The following PPP4R2 variants were observed in gnomAD, a reference collection of about 807,000 sequenced individuals.
The protein encoded by PPP4R2 is serine/threonine-protein phosphatase 4 regulatory subunit 2.
In PPP4R2, 13 loss-of-function variants were observed where a neutral mutation model predicts 47.2. The ratio of observed to expected loss-of-function variants is 0.28; its 90% CI spans 0.18 to 0.44. PPP4R2 has a LOEUF of 0.44. Among genes scored for constraint, PPP4R2 ranks in the 20% least tolerant of loss-of-function variants. PPP4R2 has a pLI of 1.00. For synonymous variants in PPP4R2, 151 were observed against 163.3 expected, an observed-to-expected ratio of 0.92 and a Z score of 0.57; for missense variants, 421 against 491.2, an observed-to-expected ratio of 0.86 and a Z score of 1.35.
At chr3:73,049,464 A>G (rs1298932811) in intron 3 of PPP4R2, among the ~76,000 whole-genome samples, 1 of 151,956 alleles carries the variant, frequency 6.6e-6, no homozygotes, top group Non-Finnish European at 1.5e-5. Context: ...TCGCTACTGC[A>G]TTTCAGCCTG....
chr3:73,019,924 G>T (rs1701924873), intron 2 of PPP4R2, among the ~76,000 whole-genome samples: 2 of 152,012 alleles, frequency 1.3e-5, no homozygotes, highest in South Asian at 2.1e-4. Context: ...TATATTAGGG[G>T]TATTTTGTTA....
chr3:73,021,287 G>A (rs1701955788), intron 2 of PPP4R2, among the ~76,000 whole-genome samples: 1 of 150,148 alleles, frequency 6.7e-6, no homozygotes, highest in Admixed American at 6.7e-5. Context: ...GGCTGGGGGT[G>A]CAGTGGCAAG....
intron 2 of PPP4R2, among the ~76,000 whole-genome samples, chr3:73,042,366 T>C (rs1294751053): frequency 2.6e-4 from 37 of 140,440 alleles, no homozygotes; most frequent in Non-Finnish European, 2.4e-4. Context: ...AATTTCTTTT[T>C]TTTTTTTTTT....
chr3:72,997,261 C>T, intron 1 of PPP4R2, 190 bp downstream of exon 1: 2 of 429,854 alleles, frequency 4.7e-6, no homozygotes, highest in East Asian at 3.6e-5. Context: ...CCCGCTCTGG[C>T]TTTGTGTCGG....
intron 2 of PPP4R2, among the ~76,000 whole-genome samples, chr3:73,019,410 G>A (rs1701914505): frequency 6.6e-6 from 1 of 152,194 alleles, no homozygotes; most frequent in South Asian, 2.1e-4. Context: ...GTCTTACTCT[G>A]TTGCCCAGGC....
chr3:73,032,594 CTAT>C (rs1437248285), intron 2 of PPP4R2, among the ~76,000 whole-genome samples: 1 of 152,228 alleles, frequency 6.6e-6, no homozygotes, highest in South Asian at 2.1e-4. Flanking sequence ...GCCTACCTTC[CTAT>C]TTCTAAGGTA....
chr3:73,010,941 C>T (rs1309898257), intron 2 of PPP4R2, among the ~76,000 whole-genome samples: 1 of 152,192 alleles, frequency 6.6e-6, no homozygotes. Flanking sequence ...TTTACAACTA[C>T]TATCTGAAGT....
chr3:73,062,681 G>T (rs1575891853), intron 5 of PPP4R2: 1 of 1,613,978 alleles, frequency 6.2e-7, no homozygotes, highest in African/African-American at 1.3e-5. Context: ...CAAGTGATAA[G>T]ATTTGCACCA....
At chr3:73,014,786 C>A in intron 2 of PPP4R2, 1 of 399,608 alleles carries the variant, frequency 2.5e-6, no homozygotes, top group Non-Finnish European at 4.4e-6. Flanking sequence ...TTGCCTGTAT[C>A]ATTTGTTTCA....
chr3:73,061,828 G>T (rs1702864683), intron 5 of PPP4R2: 2 of 391,504 alleles, frequency 5.1e-6, no homozygotes, highest in Admixed American at 4.5e-5. Flanking sequence ...CTTCCAAAGT[G>T]CTGAGATTAC....
chr3:73,056,595 T>C (rs1559566910), intron 3 of PPP4R2, among the ~76,000 whole-genome samples: 1 of 152,088 alleles, frequency 6.6e-6, no homozygotes, highest in Admixed American at 6.5e-5. Context: ...AAATGACTTT[T>C]AAAGCTTCTT....
At chr3:73,002,875 C>G (rs1701506513) in intron 2 of PPP4R2, among the ~76,000 whole-genome samples, 1 of 151,756 alleles carries the variant, frequency 6.6e-6, no homozygotes, top group South Asian at 2.1e-4. Context: ...ATCTCCTGAC[C>G]TCGTGATCCA....
At chr3:73,015,640 T>C (rs943628538) in intron 2 of PPP4R2, among the ~76,000 whole-genome samples, 6 of 136,552 alleles carry the variant, frequency 4.4e-5, no homozygotes, top group Non-Finnish European at 8.0e-5. Flanking sequence ...CATGCCCAGC[T>C]TTTTTTTTTT....
chr3:73,050,999 C>T (rs1055234529), intron 3 of PPP4R2, among the ~76,000 whole-genome samples: 27 of 152,178 alleles, frequency 1.8e-4, no homozygotes, highest in Admixed American at 6.5e-5. Flanking sequence ...ACCACATCCT[C>T]CCCCTCCTGG....
intron 2 of PPP4R2, among the ~76,000 whole-genome samples, chr3:73,004,449 A>C (rs1300323386): frequency 6.6e-6 from 1 of 151,978 alleles, no homozygotes; most frequent in Non-Finnish European, 1.5e-5. Flanking sequence ...CCCCCCAGTA[A>C]AACTGTTAAA....
At position 73,061,105 on chromosome 3, in the gene PPP4R2, A is replaced by G. The variant is rs773125285; in HGVS notation, c.419+45A>G. ...TTCTAGTATATTATTTACTATATTT[A>G]ATCATTTTATTGCTTCTAATATATT... On this transcript the variant is annotated intron_variant, in intron 5 of 8. Transcript: ENST00000356692. 6 of 906,946 alleles carry G rather than the reference A, an allele frequency of 6.6e-6. No homozygotes were observed. In the Admixed American group the frequency reaches 1.5e-4, roughly 22 times the overall value. The allele number at this position is 906,946 out of a possible 1,614,324, so 56.2% of individuals were successfully genotyped here. A position where few individuals can be genotyped will look rare whatever the true frequency, so the allele number is the denominator to read the frequency against.
At chr3:73,014,923 C>T (rs1051760505) in intron 2 of PPP4R2, 6 of 674,156 alleles carry the variant, frequency 8.9e-6, no homozygotes, top group East Asian at 8.4e-5. Context: ...AGGCTGGCCT[C>T]GAAACCCTGG....
intron 3 of PPP4R2, among the ~76,000 whole-genome samples, chr3:73,051,847 G>A (rs1306136883): frequency 6.6e-6 from 1 of 151,988 alleles, no homozygotes. Context: ...GGATGGTCTC[G>A]ATCTCCTGAC....
At chr3:73,021,291 T>C (rs1192482549) in intron 2 of PPP4R2, among the ~76,000 whole-genome samples, 1 of 151,596 alleles carries the variant, frequency 6.6e-6, no homozygotes, top group Non-Finnish European at 1.5e-5. Context: ...GGGGGTGCAG[T>C]GGCAAGATCA....
Sources: gnomAD v4.1 joint callset for allele counts (sites outside exome capture counted in the v4.1 genomes callset) on GRCh38, gnomAD v4.1.1 for gene constraint, MANE v1.5 for transcripts, NCBI Gene and HGNC (gene_info 2026-07-23, HGNC 2026-07-21) for gene names.